Variants in TRIM44 observed in about 807,000 individuals in gnomAD.
TRIM44 encodes the protein tripartite motif-containing protein 44.
Under a neutral mutation model 37.4 loss-of-function variants are expected in TRIM44, and 13 were observed. The observed-to-expected ratio is 0.35, with a 90% CI of 0.23 to 0.55. The LOEUF (loss-of-function observed/expected upper bound fraction) is 0.55, where lower values mean the gene tolerates loss of function less well. Among genes scored for constraint, TRIM44 ranks in the 20% least tolerant of loss-of-function variants. The pLI is 0.89. For missense variants in TRIM44, 426 were observed against 437.2 expected (o/e 0.97, Z 0.23); for synonymous variants, 175 against 157.2 (o/e 1.11, Z -0.85).
chr11:35,711,055 G>C (rs538544586), intron 2 of TRIM44, among the ~76,000 whole-genome samples: 1 of 152,322 alleles, frequency 6.6e-6, no homozygotes, highest in South Asian at 2.1e-4. Context: ...GGAATGTGGG[G>C]TGACTGCTAA....
chr11:35,718,444 T>A (rs1852063181), intron 2 of TRIM44, among the ~76,000 whole-genome samples: 1 of 152,152 alleles, frequency 6.6e-6, no homozygotes, highest in Admixed American at 6.6e-5. Context: ...TGGTTTTAGG[T>A]TAACAGAAAA....
chr11:35,763,042 CA>C (rs1439408654), intron 4 of TRIM44, among the ~76,000 whole-genome samples: 3 of 152,116 alleles, frequency 2.0e-5, no homozygotes, highest in African/African-American at 2.4e-5. Context: ...GCAATAACGA[CA>C]AATGTTTGTT....
At chr11:35,772,623 G>A (rs1422308873) in intron 4 of TRIM44, among the ~76,000 whole-genome samples, 1 of 152,240 alleles carries the variant, frequency 6.6e-6, no homozygotes, top group African/African-American at 2.4e-5. Context: ...AGACTTTCAT[G>A]GGGCTGGTAG....
chr11:35,739,575 C>G (rs1196864815), intron 4 of TRIM44, among the ~76,000 whole-genome samples: 1 of 152,104 alleles, frequency 6.6e-6, no homozygotes, highest in Non-Finnish European at 1.5e-5. Context: ...CGCTCTCAGC[C>G]TCTGTCATTA....
rs150417547 is a variant in TRIM44 at position 35,668,759 on chromosome 11, A to C, written c.669+4979A>C. Among the ~76,000 whole-genome samples the C allele has an allele frequency of 6.6e-5, 10 of 152,304 alleles. No individual in the cohort carries two copies. The East Asian group carries it at 1.9e-3, about 29-fold the overall frequency. ...TGGGATTGCTAGGTATTATTGTTTT[A>C]CATAGTATTTTTGACTATGGACTCA... is the stretch of plus-strand genomic sequence containing the variant. On this transcript the variant is annotated intron_variant, in intron 1 of 4. Transcript: ENST00000299413.
chr11:35,678,756 T>A (rs1314976828), intron 1 of TRIM44, among the ~76,000 whole-genome samples: 1 of 152,002 alleles, frequency 6.6e-6, no homozygotes. Flanking sequence ...ATACAGGCCA[T>A]GCCCGGCTTA....
rs557048662 is a variant in TRIM44 at position 35,728,758 on chromosome 11, A to C, written c.987+2595A>C. 2.6e-5 allele frequency among the ~76,000 whole-genome samples: 4 copies of C among 152,278 alleles called. No individual in the cohort carries two copies. In the East Asian group the frequency reaches 7.7e-4, roughly 29 times the overall value. On this transcript the variant is annotated intron_variant, in intron 3 of 4. Transcript: ENST00000299413. ...TTTTATTATAAAATTTTTTAAACATACACCACAGTTGAAAGGATTTTACAG... is the reference window on the plus strand; with the variant it reads ...TTTTATTATAAAATTTTTTAAACATCCACCACAGTTGAAAGGATTTTACAG...
chr11:35,715,103 T>C (rs1481410287), intron 2 of TRIM44, among the ~76,000 whole-genome samples: 1 of 152,190 alleles, frequency 6.6e-6, no homozygotes, highest in African/African-American at 2.4e-5. Flanking sequence ...TGAACTGCTT[T>C]CTGTTGCATC....
At chr11:35,761,775 T>C (rs963078589) in intron 4 of TRIM44, among the ~76,000 whole-genome samples, 4 of 152,264 alleles carry the variant, frequency 2.6e-5, no homozygotes, top group Admixed American at 1.3e-4. Context: ...CTGAAATGAA[T>C]AAAACTTCTC....
chr11:35,806,072 G>A (rs1221955912), intron 4 of TRIM44, among the ~76,000 whole-genome samples: 1 of 152,154 alleles, frequency 6.6e-6, no homozygotes, highest in East Asian at 1.9e-4. Flanking sequence ...TTAAATAGCT[G>A]CTCACGTACT....
In TRIM44 at chr11:35,699,598, G is replaced by A. The variant is rs190044957; in HGVS notation, c.747+14262G>A. Among the ~76,000 whole-genome samples, 221 of 151,938 alleles carry A rather than the reference G, an allele frequency of 1.5e-3. 1 individual carries two copies. The highest frequency in any genetic ancestry group is 5.1e-3 in the African/African-American group (211 of 41,412). ...ATTCAACATAGTGTTGAAAGTCCTGGCCAGGGCAATCAGGCAGGAGAAGGA... is the reference window on the plus strand; with the variant it reads ...ATTCAACATAGTGTTGAAAGTCCTGACCAGGGCAATCAGGCAGGAGAAGGA... On this transcript the variant is annotated intron_variant, in intron 2 of 4. Transcript: ENST00000299413.
At chr11:35,788,006 G>C (rs1376030072) in intron 4 of TRIM44, among the ~76,000 whole-genome samples, 1 of 152,160 alleles carries the variant, frequency 6.6e-6, no homozygotes, top group Non-Finnish European at 1.5e-5. Flanking sequence ...AGTTGTTCAT[G>C]CTTATTCCCT....
intron 2 of TRIM44, among the ~76,000 whole-genome samples, chr11:35,716,770 A>G (rs1852043853): frequency 6.6e-6 from 1 of 152,208 alleles, no homozygotes; most frequent in Non-Finnish European, 1.5e-5. Context: ...GGGGATCTGT[A>G]GGAGAATAAT....
chr11:35,707,553 A>C (rs1284496607), intron 2 of TRIM44, among the ~76,000 whole-genome samples: 2 of 151,568 alleles, frequency 1.3e-5, no homozygotes, highest in East Asian at 3.9e-4. Context: ...TGGTACTGGT[A>C]CCAAAACAGA....
At chr11:35,751,513 G>A (rs187289015) in intron 4 of TRIM44, among the ~76,000 whole-genome samples, 16 of 152,268 alleles carry the variant, frequency 1.1e-4, no homozygotes, top group Non-Finnish European at 2.1e-4. Flanking sequence ...GCTTTCATTA[G>A]AACCTGGCTG....
At chr11:35,765,757 A>G (rs1347267787) in intron 4 of TRIM44, among the ~76,000 whole-genome samples, 2 of 142,932 alleles carry the variant, frequency 1.4e-5, no homozygotes, top group African/African-American at 5.0e-5. Context: ...TCATTCATTC[A>G]TTTGTTTATT....
chr11:35,695,019 A>C (rs1239672672), intron 2 of TRIM44, among the ~76,000 whole-genome samples: 1 of 152,174 alleles, frequency 6.6e-6, no homozygotes, highest in Non-Finnish European at 1.5e-5. Flanking sequence ...CAGTTGAATG[A>C]AATCTTTTTA....
intron 4 of TRIM44, among the ~76,000 whole-genome samples, chr11:35,754,096 A>G (rs1480684133): frequency 1.3e-5 from 2 of 152,032 alleles, no homozygotes; most frequent in Non-Finnish European, 2.9e-5. Context: ...CTAAGTGACT[A>G]GTAAGTACTA....
In TRIM44 at chr11:35,663,168, C is replaced by T. The variant is rs1851290676; in HGVS notation, c.57C>T (p.Asp19=). 4 of 1,565,412 alleles carry T rather than the reference C, an allele frequency of 2.6e-6. No homozygotes were observed. The highest frequency in any genetic ancestry group is 2.6e-6 in the Non-Finnish European group (3 of 1,155,982). Residue 19 remains aspartate (D), a synonymous_variant, in exon 1 of 5, where the codon GAC becomes GAT. Coordinates refer to ENST00000299413, the MANE Select transcript of TRIM44 (RefSeq NM_017583.6). Reference sequence around the variant, plus strand: ...AACTGCCTCACGACGGCACGTGTGACGAGTGCGAGCCCGACGAGGCTCCGG... The same window carrying T: ...AACTGCCTCACGACGGCACGTGTGATGAGTGCGAGCCCGACGAGGCTCCGG... The part of the protein sequence containing the change: ...FEELPHDGTC[D]ECEPDEAPGA...
Sources: gnomAD v4.1 joint callset for allele counts (sites outside exome capture counted in the v4.1 genomes callset) on GRCh38, gnomAD v4.1.1 for gene constraint, MANE v1.5 for transcripts, NCBI Gene and HGNC (gene_info 2026-07-23, HGNC 2026-07-21) for gene names.